Variants in TG observed in about 807,000 individuals in gnomAD.
The protein encoded by TG is thyroid hormones.
A neutral mutation model predicts 324.7 loss-of-function variants in TG; 270 were observed. That is an observed-to-expected ratio of 0.83 (90% CI 0.75 to 0.92). The LOEUF is 0.92. TG is among the 40% of genes least tolerant of loss of function. The pLI is 0.00. For missense variants in TG, 3,591 were observed against 3,456.4 expected, an observed-to-expected ratio of 1.04 and a Z score of -0.98; for synonymous variants, 1,401 against 1,327.0, an observed-to-expected ratio of 1.06 and a Z score of -1.21.
chr8:133,133,416 T>A, intron 46 of TG, 54 bp from the exon 47 acceptor site: 1 of 1,566,050 alleles, frequency 6.4e-7, no homozygotes, highest in Non-Finnish European at 8.8e-7. Flanking sequence ...ATTCAGGTGA[T>A]GAAAGGAAAG....
intron 40 of TG, among the ~76,000 whole-genome samples, chr8:133,023,310 T>A (rs1446884899): frequency 9.3e-6 from 1 of 107,284 alleles, no homozygotes; most frequent in Non-Finnish European, 2.0e-5. Flanking sequence ...AGATTTCAGA[T>A]TTTTTTTGAT....
Position 133,131,832 on chromosome 8 carries a change from T to C in TG, c.7883T>C (p.Val2628Ala), listed in dbSNP as rs551893763. The C allele has an allele frequency of 1.2e-6, 2 of 1,614,190 alleles. No homozygotes were observed. The highest frequency in any genetic ancestry group is 1.3e-5 in the African/African-American group (1 of 75,052). ...GHGSLELLAD[V>A]QFALGLPFYP... ...CTCAGCCTGGAGCTGCTGGCGGATG[T>C]TCAGTTTGCCTTGGGGCTTCCCTTC... Residue 2628 changes from valine to alanine, a missense_variant, in exon 46 of 48, where the codon GTT becomes GCT. By Grantham distance (64) the Val-to-Ala change is moderately conservative. Coordinates refer to ENST00000220616, the MANE Select transcript of TG (RefSeq NM_003235.5).
intron 10 of TG, 82 bp from the exon 11 acceptor site, chr8:132,893,608 G>C: frequency 6.3e-7 from 1 of 1,577,182 alleles, no homozygotes; most frequent in Non-Finnish European, 8.7e-7. Flanking sequence ...ATGTGTGTGC[G>C]TGAGGGCACA....
At chr8:132,920,906 T>C (rs1587411087) in intron 21 of TG, among the ~76,000 whole-genome samples, 1 of 152,236 alleles carries the variant, frequency 6.6e-6, no homozygotes, top group Non-Finnish European at 1.5e-5. Flanking sequence ...CAAATTACCA[T>C]ACACTGGGTT....
At chr8:133,092,506 G>A (rs1017146706) in intron 41 of TG, among the ~76,000 whole-genome samples, 1 of 152,184 alleles carries the variant, frequency 6.6e-6, no homozygotes, top group African/African-American at 2.4e-5. Context: ...GTGGGGTCCC[G>A]TGAATGTCAC....
chr8:132,928,651 T>C (rs1422658266), intron 22 of TG, among the ~76,000 whole-genome samples: 4 of 152,208 alleles, frequency 2.6e-5, no homozygotes, highest in African/African-American at 7.2e-5. Flanking sequence ...TAAATACATA[T>C]GCACATGTCT....
At position 133,027,865 on chromosome 8, in the gene TG, G is replaced by T. The variant is rs183953429; in HGVS notation, c.7037-1956G>T. Reference sequence around the variant, plus strand: ...AGTTTCTTCACCAGTAAAGGAAAAGGTTGGACCAGACATGTTGGACCGTAA... The same window carrying T: ...AGTTTCTTCACCAGTAAAGGAAAAGTTTGGACCAGACATGTTGGACCGTAA... On this transcript the variant is annotated intron_variant, in intron 40 of 47. Coordinates refer to ENST00000220616, the MANE Select transcript of TG (RefSeq NM_003235.5). Among the ~76,000 whole-genome samples the T allele has an allele frequency of 2.8e-3, 424 of 152,292 alleles. 1 individual carries two copies. Among genetic ancestry groups the T allele is most frequent in the African/African-American group, 9.8e-3 (406 of 41,562 alleles).
intron 41 of TG, among the ~76,000 whole-genome samples, chr8:133,052,421 A>G (rs2702970): frequency 0.06 from 9,131 of 152,278 alleles, 840 homozygotes; most frequent in East Asian, 0.43. Flanking sequence ...TGGCTTTACA[A>G]TATGGAAAGG....
intron 27 of TG, among the ~76,000 whole-genome samples, chr8:132,953,299 C>T (rs532727222): frequency 6.6e-6 from 1 of 152,260 alleles, no homozygotes; most frequent in African/African-American, 2.4e-5. Context: ...CTCCCTCCCT[C>T]ATATCCTGAG....
rs989824677 is a variant in TG, at chr8:132,917,388, A to G, written c.4379-1988A>G. Among the ~76,000 whole-genome samples the G allele has an allele frequency of 1.2e-4, 18 of 149,998 alleles. No homozygotes were observed. In the East Asian group the frequency reaches 2.0e-3, roughly 16 times the overall value. ...AGGTAGTGCATGTTTGTGCATGTAT[A>G]TGTGTGTGTGTGTGTGTGTGTATAC... On this transcript the variant is annotated intron_variant, in intron 20 of 47. Transcript: ENST00000220616.
At position 133,019,643 on chromosome 8, in the gene TG, C is replaced by T. The variant is rs1429590381; in HGVS notation, c.6824C>T (p.Pro2275Leu). ...WQPGTRTSTS[P>L]GVSEDCLYLN... ...CCAGGCACCAGAACATCCACGTCTC[C>T]TGGAGTCAGTGAAGATTGTTTGTAT... Residue 2275 changes from proline (P) to leucine (L), a missense_variant, in exon 39 of 48, where the codon CCT becomes CTT. Coordinates refer to ENST00000220616, the MANE Select transcript of TG (RefSeq NM_003235.5). 3 of 1,613,756 alleles carry T rather than the reference C, an allele frequency of 1.9e-6. No homozygotes were observed. The highest frequency in any genetic ancestry group is 1.3e-5 in the African/African-American group (1 of 74,940).
At chr8:132,992,099 C>T (rs1429104803) in intron 35 of TG, among the ~76,000 whole-genome samples, 1 of 152,074 alleles carries the variant, frequency 6.6e-6, no homozygotes, top group Non-Finnish European at 1.5e-5. Context: ...CTGCCTTTCC[C>T]CTTTGTTCAG....
At position 132,900,050 on chromosome 8, in the gene TG, C is replaced by T. The variant is rs193257436; in HGVS notation, c.3331-187C>T. On this transcript the variant is annotated intron_variant, in intron 14 of 47. Coordinates refer to ENST00000220616, the MANE Select transcript of TG (RefSeq NM_003235.5). Reference sequence around the variant, plus strand: ...CCATGCCTCATGAGGCTGTTGTAGCCGTCAATCAAATGATGCACGTAAAGG... The same window carrying T: ...CCATGCCTCATGAGGCTGTTGTAGCTGTCAATCAAATGATGCACGTAAAGG... Among the ~76,000 whole-genome samples the T allele has an allele frequency of 7.9e-3, 1,201 of 152,274 alleles. 2 individuals are homozygous for T. The highest frequency in any genetic ancestry group is 0.014 in the Non-Finnish European group (924 of 68,022).
At chr8:133,004,230 G>A in intron 35 of TG, among the ~76,000 whole-genome samples, 1 of 152,188 alleles carries the variant, frequency 6.6e-6, no homozygotes, top group East Asian at 1.9e-4. Flanking sequence ...CTCACTGAAA[G>A]AGTCACCAAG....
chr8:132,900,960 C>T (rs946096990), intron 15 of TG, among the ~76,000 whole-genome samples: 9 of 152,228 alleles, frequency 5.9e-5, no homozygotes, highest in African/African-American at 1.9e-4. Context: ...GTCCGTCTAT[C>T]CCCTCCCCAC....
chr8:132,971,449 C>A (rs559169922), intron 32 of TG, among the ~76,000 whole-genome samples: 7 of 152,098 alleles, frequency 4.6e-5, no homozygotes, highest in Non-Finnish European at 1.0e-4. Context: ...AAAGCTGAGA[C>A]CTTCTGCTTA....
intron 28 of TG, among the ~76,000 whole-genome samples, chr8:132,962,062 A>G (rs752751239): frequency 1.4e-4 from 21 of 152,038 alleles, no homozygotes; most frequent in Non-Finnish European, 2.6e-4. Context: ...GCACAAAACA[A>G]TGCTGTGGAT....
At chr8:132,869,043 T>A (rs1014819021) in intron 2 of TG, among the ~76,000 whole-genome samples, 15 of 152,218 alleles carry the variant, frequency 9.9e-5, no homozygotes, top group African/African-American at 3.6e-4. Flanking sequence ...CCTGCTTAGA[T>A]CACTGGGAAT....
At chr8:133,038,372 G>A (rs1837469274) in intron 41 of TG, 1 of 651,056 alleles carries the variant, frequency 1.5e-6, no homozygotes, top group Non-Finnish European at 2.7e-6. Context: ...TGTGGATAGA[G>A]AAGATGCGAA....
Sources: allele counts gnomAD v4.1 joint callset (sites outside exome capture counted in the v4.1 genomes callset), GRCh38; gene constraint gnomAD v4.1.1; transcripts MANE v1.5; gene names NCBI Gene and HGNC (gene_info 2026-07-23, HGNC 2026-07-21).